The following GLI3 variants were observed in gnomAD, a reference collection of about 807,000 sequenced individuals.
GLI3 encodes transcription activator GLI3.
GLI3 carries 20 observed loss-of-function variants against 100.8 expected under a neutral mutation model. That is an observed-to-expected ratio of 0.20 (90% CI 0.14 to 0.29). The LOEUF (loss-of-function observed/expected upper bound fraction) is 0.29. GLI3 is among the 10% of genes least tolerant of loss of function. The pLI is 1.00. For missense variants in GLI3, 2,040 were observed against 2,128.5 expected (o/e 0.96, Z 0.82); for synonymous variants, 938 against 860.5 (o/e 1.09, Z -1.58).
chr7:42,080,280 A>G (rs926245042), intron 3 of GLI3, among the ~76,000 whole-genome samples: 2 of 152,228 alleles, frequency 1.3e-5, no homozygotes, highest in Admixed American at 6.5e-5. Flanking sequence ...TATGAATTTA[A>G]AAGTTAATTC....
At position 41,960,998 on chromosome 7, in the gene GLI3, C is replaced by G. The variant is rs1386498152; in HGVS notation, c.*3332G>C. On this transcript the variant is annotated 3_prime_UTR_variant, in exon 15 of 15. Coordinates refer to ENST00000395925, the MANE Select transcript of GLI3 (RefSeq NM_000168.6). ...GACATTGTAAGAAACATTTTTTTTT[C>G]TTTGTTACAAAAGGACTAAGTGGTT... is the stretch of plus-strand genomic sequence containing the variant. 1.3e-5 allele frequency: 2 copies of G among 149,560 alleles called. No individual in the cohort carries two copies. The highest frequency in any genetic ancestry group is 3.0e-5 in the Non-Finnish European group (2 of 66,586). The allele number at this position is 149,560 out of a possible 1,614,324, so 9.3% of individuals were successfully genotyped here.
At position 42,196,610 on chromosome 7, in the gene GLI3, A is replaced by G. The variant is rs1787932587; in HGVS notation, c.124+26520T>C. ...ACCACCTTTGTTACTTAAAGTTCAC[A>G]CTATAAGTTTATCTTAGTTCCACCT... is the stretch of plus-strand genomic sequence containing the variant. On this transcript the variant is annotated intron_variant, in intron 2 of 14. Transcript: ENST00000395925. Among the ~76,000 whole-genome samples, 2 of 152,224 alleles carry G rather than the reference A, an allele frequency of 1.3e-5. 1 individual carries two copies. Among genetic ancestry groups the G allele is most frequent in the South Asian group, 4.1e-4 (2 of 4,826 alleles).
At chr7:42,094,870 C>T (rs1785304170) in intron 3 of GLI3, among the ~76,000 whole-genome samples, 3 of 152,300 alleles carry the variant, frequency 2.0e-5, no homozygotes, top group South Asian at 2.1e-4. Context: ...GAAGGAAGCA[C>T]GTGGACTGAG....
chr7:41,966,009 G>T lies in GLI3; in HGVS notation c.3064C>A (p.Pro1022Thr), dbSNP rs1316361444. ...GSEGLALPRV[P>T]RFSSLSSCNP... ...CAGCTGCTGAGGCTGCTGAAGCGCG[G>T]CACACGAGGCAGGGCCAGGCCCTCG... The change falls in exon 15 of 15, where the codon CCG becomes ACG. Residue 1022 changes from proline (P) to threonine (T), a missense_variant. Pro to Thr is a conservative substitution (Grantham distance 38, BLOSUM62 -1). Transcript: ENST00000395925. The surrounding 1 kb of genome is among the most constrained non-coding windows in gnomAD (Gnocchi z 5.8). The T allele has an allele frequency of 1.3e-6, 2 of 1,599,142 alleles. No individual in the cohort carries two copies. Among genetic ancestry groups the T allele is most frequent in the Non-Finnish European group, 1.7e-6 (2 of 1,178,396 alleles).
At chr7:42,237,973 C>CCCGCCGCCGCCGCCG (rs1466049965), upstream of GLI3, 16 of 154,822 alleles carry the variant, frequency 1.0e-4, no homozygotes, top group Non-Finnish European at 1.7e-4. Context: ...TCCCTCCCCG[C>CCCGCCGCCGCCGCCG]CCTCCGCCGC....
chr7:41,965,021 G>A lies in GLI3; in HGVS notation c.4052C>T (p.Thr1351Ile), dbSNP rs1787121269. The change falls in exon 15 of 15, where the codon ACC becomes ATC. Residue 1351 changes from threonine (T) to isoleucine (I), a missense_variant. Around this residue, in one of 5 missense-constraint regions of GLI3, gnomAD observed 1,041 missense variants for 924.0 expected, o/e 1.13. Coordinates refer to ENST00000395925, the MANE Select transcript of GLI3 (RefSeq NM_000168.6). ...CCCTTGGTAGATGTTGATGTGTGAG[G>A]TAGCACTAATCTGCCCAAGCATCTG... ...GQQMLGQISA[T>I]SHINIYQGPE... 9 of 1,613,852 alleles carry A rather than the reference G, an allele frequency of 5.6e-6. No homozygotes were observed. The highest frequency in any genetic ancestry group is 6.8e-6 in the Non-Finnish European group (8 of 1,179,978).
In GLI3 at chr7:42,099,594, A is replaced by T. The variant is rs191414464; in HGVS notation, c.368-22737T>A. Among the ~76,000 whole-genome samples the T allele has an allele frequency of 9.1e-4, 138 of 152,108 alleles. 1 individual carries two copies. The highest frequency in any genetic ancestry group is 3.2e-3 in the African/African-American group (133 of 41,486). Reference sequence around the variant, plus strand: ...GGTCTCACTCTGTTGCCCAGGCTGGAGTGCAGAGGTGCGATCACAGCTCAC... The same window carrying T: ...GGTCTCACTCTGTTGCCCAGGCTGGTGTGCAGAGGTGCGATCACAGCTCAC... On this transcript the variant is annotated intron_variant, in intron 3 of 14. Coordinates refer to ENST00000395925, the MANE Select transcript of GLI3 (RefSeq NM_000168.6).
chr7:42,111,513 C>T (rs3801182), intron 3 of GLI3, among the ~76,000 whole-genome samples: 61,143 of 151,966 alleles, frequency 0.4, 12,514 homozygotes, highest in Middle Eastern at 0.5. Flanking sequence ...GCCATTACCA[C>T]AGCCCAGACA....
At chr7:42,178,689 C>G (rs530142736) in intron 2 of GLI3, among the ~76,000 whole-genome samples, 1 of 152,270 alleles carries the variant, frequency 6.6e-6, no homozygotes, top group Non-Finnish European at 1.5e-5. Flanking sequence ...ACAAAATAGA[C>G]ACATCCCCAT....
Position 41,972,646 on chromosome 7 carries a change from A to G in GLI3, c.1813-19T>C. On this transcript the variant is annotated intron_variant, in intron 12 of 14. Transcript: ENST00000395925. This position sits in a 1 kb window ranked among gnomAD's most constrained non-coding sequence, Gnocchi z 4.4. Reference sequence around the variant, plus strand: ...ATGGTTTCTGCCAAATCCCACAAGAACGAGGTAAGAGATTGTTATGAAAGA... The same window carrying G: ...ATGGTTTCTGCCAAATCCCACAAGAGCGAGGTAAGAGATTGTTATGAAAGA... The G allele has an allele frequency of 6.3e-7, 1 of 1,597,602 alleles. No homozygotes were observed. Among genetic ancestry groups the G allele is most frequent in the Non-Finnish European group, 8.5e-7 (1 of 1,176,890 alleles).
At chr7:42,145,823 G>A (rs1165869513) in intron 3 of GLI3, among the ~76,000 whole-genome samples, 1 of 152,180 alleles carries the variant, frequency 6.6e-6, no homozygotes, top group Non-Finnish European at 1.5e-5. Flanking sequence ...CACTTAACAT[G>A]TGCCAGAGAT....
At chr7:42,178,275 T>C (rs1388540348) in intron 2 of GLI3, among the ~76,000 whole-genome samples, 1 of 152,184 alleles carries the variant, frequency 6.6e-6, no homozygotes, top group Non-Finnish European at 1.5e-5. Context: ...CCCTGCAGCT[T>C]CTGCTGAGAC....
At chr7:42,050,925 A>G (rs1784339790) in intron 4 of GLI3, among the ~76,000 whole-genome samples, 2 of 152,208 alleles carry the variant, frequency 1.3e-5, no homozygotes, top group Non-Finnish European at 2.9e-5. Context: ...CACAAAAATT[A>G]TAGCGGCCAG....
intron 1 of GLI3, among the ~76,000 whole-genome samples, chr7:42,247,235 T>C (rs1788985481): frequency 1.3e-5 from 2 of 152,192 alleles, no homozygotes; most frequent in Non-Finnish European, 2.9e-5. Flanking sequence ...GCAGCATACC[T>C]TCGAGTCCTT....
At chr7:42,213,895 A>C (rs567064911) in intron 2 of GLI3, among the ~76,000 whole-genome samples, 176 of 152,378 alleles carry the variant, frequency 1.2e-3, no homozygotes, top group African/African-American at 4.0e-3. Context: ...CACAGCACCC[A>C]AACGGCTTTC....
intron 1 of GLI3, among the ~76,000 whole-genome samples, chr7:42,260,668 C>G (rs1441343897): frequency 6.6e-6 from 1 of 151,978 alleles, no homozygotes; most frequent in Non-Finnish European, 1.5e-5. Context: ...GAATGAAGGG[C>G]CAGGGACAAG....
intron 10 of GLI3, among the ~76,000 whole-genome samples, chr7:42,020,520 G>A (rs1010412716): frequency 1.3e-5 from 2 of 152,070 alleles, no homozygotes; most frequent in Non-Finnish European, 2.9e-5. Flanking sequence ...TGTAAGAGGG[G>A]GAAAAAGAAT....
At chr7:42,142,666 A>G (rs543920475) in intron 3 of GLI3, among the ~76,000 whole-genome samples, 3 of 152,120 alleles carry the variant, frequency 2.0e-5, no homozygotes, top group South Asian at 4.2e-4. Flanking sequence ...AACACTAAGA[A>G]TTATCCCTAA....
intron 3 of GLI3, among the ~76,000 whole-genome samples, chr7:42,092,423 G>A (rs1785240929): frequency 6.6e-6 from 1 of 152,202 alleles, no homozygotes; most frequent in South Asian, 2.1e-4. Context: ...CAGGGCAGGA[G>A]CGCAAAGCCC....
Sources: gnomAD v4.1 joint callset for allele counts (sites outside exome capture counted in the v4.1 genomes callset) on GRCh38, gnomAD v4.1.1 for gene constraint, gnomAD v4.1.1 regional missense constraint, Gnocchi (gnomAD v3.1) non-coding constraint, MANE v1.5 for transcripts, NCBI Gene and HGNC (gene_info 2026-07-23, HGNC 2026-07-21) for gene names.